ZSWIM7: variants seen among roughly 807,000 people sequenced by gnomAD.
ZSWIM7 encodes zinc finger SWIM-type containing 7, also known as zinc finger SWIM domain-containing protein 7.
A neutral mutation model predicts 21.1 loss-of-function variants in ZSWIM7; 22 were observed. The ratio of observed to expected loss-of-function variants is 1.04; its 90% CI spans 0.74 to 1.49. The LOEUF is 1.49. ZSWIM7 is among the 40% of genes most tolerant of loss of function. The pLI is 0.00. For missense variants in ZSWIM7, 193 were observed against 168.0 expected, an observed-to-expected ratio of 1.15 and a Z score of -0.82; for synonymous variants, 67 against 66.5, an observed-to-expected ratio of 1.01 and a Z score of -0.04.
At chr17:15,983,269 C>T (rs34236618) in intron 3 of ZSWIM7, among the ~76,000 whole-genome samples, 63,462 of 144,036 alleles carry the variant, frequency 0.44, 15,133 homozygotes, top group Middle Eastern at 0.58. Flanking sequence ...CACTTGAACC[C>T]GGGAGACAGA....
At chr17:15,997,377 T>C (rs1970568656) in intron 1 of ZSWIM7, among the ~76,000 whole-genome samples, 1 of 152,156 alleles carries the variant, frequency 6.6e-6, no homozygotes, top group Non-Finnish European at 1.5e-5. Flanking sequence ...TCTGAACATC[T>C]TGAGGGGAGA....
At chr17:15,985,692 T>C (rs1163093412) in intron 3 of ZSWIM7, among the ~76,000 whole-genome samples, 1 of 152,178 alleles carries the variant, frequency 6.6e-6, no homozygotes, top group Admixed American at 6.5e-5. Context: ...ACTAAACCAG[T>C]GACTTAAGTT....
chr17:15,980,016 C>T (rs562341695), intron 4 of ZSWIM7, among the ~76,000 whole-genome samples: 58 of 147,574 alleles, frequency 3.9e-4, no homozygotes, highest in South Asian at 1.7e-3. Context: ...CCGGACGAGG[C>T]GGCTGGCCGG....
intron 4 of ZSWIM7, among the ~76,000 whole-genome samples, chr17:15,979,315 A>ATGG: frequency 6.6e-6 from 1 of 152,072 alleles, no homozygotes; most frequent in South Asian, 2.1e-4. Flanking sequence ...GTAAGGTCAC[A>ATGG]GATCAACAGG....
rs1194584595 is a variant in ZSWIM7, at chr17:15,991,912, TTGTTTG to T, written c.98+1839_98+1844del. 8.4e-4 allele frequency among the ~76,000 whole-genome samples: 119 copies of T among 140,898 alleles called. 1 individual carries two copies. The highest frequency in any genetic ancestry group is 3.0e-3 in the African/African-American group (110 of 36,852). 92.4% of individuals were successfully genotyped at this position (140,898 alleles called of 152,430 possible). ...CTCCTGGGACAGGTTTTGTTTTTTT[TTGTTTG>T]TTTTGTTTTGTTTTGTTTTTTTTTT... is the stretch of plus-strand genomic sequence containing the variant. On this transcript the variant is annotated intron_variant, in intron 2 of 4. Transcript: ENST00000399277.
Position 15,987,289 on chromosome 17 carries a change from G to C in ZSWIM7, c.178C>G (p.Pro60Ala), listed in dbSNP as rs1461518955. The change falls in exon 3 of 5, where the codon CCC becomes GCC. Residue 60 changes from proline to alanine, a missense_variant. Transcript: ENST00000399277. The stretch of plus-strand genomic sequence containing the variant: ...ACCTGGTAAACACGCCTTCCACTGG[G>C]TGATGAGATTAAGGTGATGGACTGT... ...DRQSITLISS[P>A]SGRRVYQVLG... 1.9e-6 allele frequency: 3 copies of C among 1,613,106 alleles called. No homozygotes were observed. Among genetic ancestry groups the C allele is most frequent in the African/African-American group, 1.3e-5 (1 of 74,824 alleles).
chr17:15,982,341 G>A (rs1379666666), intron 3 of ZSWIM7, among the ~76,000 whole-genome samples: 2 of 152,196 alleles, frequency 1.3e-5, no homozygotes, highest in Non-Finnish European at 2.9e-5. Context: ...ATTAGTATCT[G>A]AGGGAAGCAG....
chr17:15,993,721 T>TA (rs772594762), intron 2 of ZSWIM7, 36 bp downstream of exon 2: 542 of 1,385,806 alleles, frequency 3.9e-4, no homozygotes, highest in Middle Eastern at 7.2e-4. Context: ...CATTAATGGT[T>TA]AAAAAAAAAT....
rs1236572826 is a variant in ZSWIM7, at chr17:15,977,408, G to A, written c.*639C>T. The A allele has an allele frequency of 1.3e-5, 2 of 152,054 alleles. No homozygotes were observed. The highest frequency in any genetic ancestry group is 1.5e-5 in the Non-Finnish European group (1 of 68,030). The allele number at this position is 152,054 out of a possible 1,614,324, so 9.4% of individuals were successfully genotyped here. A position where few individuals can be genotyped will look rare whatever the true frequency, so the allele number is the denominator to read the frequency against. ...ACTAGTAATTCAGTTAGTTACTTAA[G>A]ACTAAATAGGGTCAGGCGCAGTGGC... On this transcript the variant is annotated 3_prime_UTR_variant, in exon 5 of 5. Coordinates refer to ENST00000399277, the MANE Select transcript of ZSWIM7 (RefSeq NM_001042697.2).
At chr17:15,982,926 T>C (rs1342642558) in intron 3 of ZSWIM7, among the ~76,000 whole-genome samples, 1 of 152,192 alleles carries the variant, frequency 6.6e-6, no homozygotes, top group South Asian at 2.1e-4. Context: ...GCACTGGGAT[T>C]ACAGGCATGA....
Position 15,977,822 on chromosome 17 carries a change from CAG to C in ZSWIM7, c.*223_*224del, listed in dbSNP as rs1411160379. The C allele has an allele frequency of 2.4e-5, 10 of 420,368 alleles. No individual in the cohort carries two copies. The highest frequency in any genetic ancestry group is 2.1e-4 in the Admixed American group (6 of 28,322). 26.0% of individuals were successfully genotyped at this position (420,368 alleles called of 1,614,324 possible). A position where few individuals can be genotyped will look rare whatever the true frequency, so the allele number is the denominator to read the frequency against. On this transcript the variant is annotated 3_prime_UTR_variant, in exon 5 of 5. Coordinates refer to ENST00000399277, the MANE Select transcript of ZSWIM7 (RefSeq NM_001042697.2). Reference sequence around the variant, plus strand: ...TACCGAAGCGTCTCAGAGACTGGCTCAGGGTATTTCTTGACAAGACTGTACAG... The same window carrying C: ...TACCGAAGCGTCTCAGAGACTGGCTCGGTATTTCTTGACAAGACTGTACAG...
chr17:15,981,186 G>A (rs1308105733), intron 3 of ZSWIM7, 42 bp from the exon 4 acceptor site: 4 of 1,465,438 alleles, frequency 2.7e-6, no homozygotes, highest in South Asian at 2.4e-5. Context: ...CAGATGTGCT[G>A]GAAAAACCAC....
intron 1 of ZSWIM7, among the ~76,000 whole-genome samples, chr17:15,997,937 C>T (rs1970580233): frequency 6.6e-6 from 1 of 152,114 alleles, no homozygotes; most frequent in Non-Finnish European, 1.5e-5. Context: ...CCCGTCTCTT[C>T]TAAAAATACA....
chr17:15,982,200 C>A (rs913053154), intron 3 of ZSWIM7, among the ~76,000 whole-genome samples: 2 of 152,110 alleles, frequency 1.3e-5, no homozygotes, highest in African/African-American at 4.8e-5. Flanking sequence ...CAAGACACAT[C>A]TGTAGTATGA....
At chr17:15,992,735 G>A (rs968769675) in intron 2 of ZSWIM7, among the ~76,000 whole-genome samples, 2 of 152,020 alleles carry the variant, frequency 1.3e-5, no homozygotes, top group African/African-American at 2.4e-5. Context: ...CATTGCGCCC[G>A]GCCAACAGCC....
chr17:15,979,851 A>T (rs56964981), intron 4 of ZSWIM7, among the ~76,000 whole-genome samples: 2 of 97,684 alleles, frequency 2.0e-5, no homozygotes, highest in Non-Finnish European at 4.2e-5. Context: ...TCCCTCCCGG[A>T]CGGGGCGGCT....
chr17:15,990,037 G>A (rs976813619), intron 2 of ZSWIM7, among the ~76,000 whole-genome samples: 1 of 151,962 alleles, frequency 6.6e-6, no homozygotes, highest in Non-Finnish European at 1.5e-5. Flanking sequence ...TGGCTAACAC[G>A]GTGAAACCCC....
At chr17:15,997,010 A>T (rs1344459890) in intron 1 of ZSWIM7, among the ~76,000 whole-genome samples, 1 of 151,950 alleles carries the variant, frequency 6.6e-6, no homozygotes. Flanking sequence ...AATACAAAAA[A>T]CTAGCCAGCT....
chr17:15,978,306 A>G (rs926179714), intron 4 of ZSWIM7, 143 bp from the exon 5 acceptor site: 1 of 663,500 alleles, frequency 1.5e-6, no homozygotes, highest in Non-Finnish European at 2.7e-6. Context: ...TTGTCTAAAA[A>G]GTGCAGATGG....
Sources: gnomAD v4.1 joint callset for allele counts (sites outside exome capture counted in the v4.1 genomes callset) on GRCh38, gnomAD v4.1.1 for gene constraint, MANE v1.5 for transcripts, NCBI Gene and HGNC (gene_info 2026-07-23, HGNC 2026-07-21) for gene names.